CEP78: variants seen among roughly 807,000 people sequenced by gnomAD.
The protein encoded by CEP78 is centrosomal protein 78.
CEP78 carries 76 observed loss-of-function variants against 81.2 expected under a neutral mutation model. The ratio of observed to expected loss-of-function variants is 0.94; its 90% CI spans 0.78 to 1.13. The LOEUF (loss-of-function observed/expected upper bound fraction) is 1.13, where lower values mean the gene tolerates loss of function less well. Ranked by LOEUF, CEP78 falls within the 50% of genes most tolerant of loss-of-function variation. The pLI, the probability that CEP78 is intolerant of heterozygous loss-of-function variation, is 0.00. For missense variants in CEP78, 918 were observed against 846.8 expected, an observed-to-expected ratio of 1.08 and a Z score of -1.04; for synonymous variants, 293 against 301.4, an observed-to-expected ratio of 0.97 and a Z score of 0.29.
At position 78,277,069 on chromosome 9, in the gene CEP78, T is replaced by A. The variant is rs541231322; in HGVS notation, c.*6218T>A. The A allele has an allele frequency of 6.6e-6, 1 of 152,152 alleles. No individual in the cohort carries two copies. The highest frequency in any genetic ancestry group is 2.1e-4 in the South Asian group (1 of 4,822). The allele number at this position is 152,152 out of a possible 1,614,324, so 9.4% of individuals were successfully genotyped here. A position where few individuals can be genotyped will look rare whatever the true frequency, so the allele number is the denominator to read the frequency against. The stretch of plus-strand genomic sequence containing the variant: ...ATATATATGTATTTAAAAAATGGCA[T>A]CACAAGTCAGTAGAGAAGGGTTTGA... On this transcript the variant is annotated 3_prime_UTR_variant, in exon 17 of 17. Transcript: ENST00000643273.
rs1397299899 is a variant in CEP78, at chr9:78,243,628, G to T, written c.770G>T (p.Trp257Leu). 6.2e-7 allele frequency: 1 copy of T among 1,612,074 alleles called. No homozygotes were observed. The highest frequency in any genetic ancestry group is 8.5e-7 in the Non-Finnish European group (1 of 1,179,016). Reference protein sequence around the residue: ...AFADSLSEDLWLRALDLQQCG... With the variant: ...AFADSLSEDLLLRALDLQQCG... ...GCAGACTCTCTCAGTGAGGATTTATGGCTGAGAGGTAAGTTAAATGAACTT... is the reference window on the plus strand; with the variant it reads ...GCAGACTCTCTCAGTGAGGATTTATTGCTGAGAGGTAAGTTAAATGAACTT... The change falls in exon 5 of 17, where the codon TGG becomes TTG. Residue 257 changes from tryptophan to leucine, a missense_variant. Coordinates refer to ENST00000643273, the MANE Select transcript of CEP78 (RefSeq NM_001330691.3).
chr9:78,238,897 G>A (rs1230880634), intron 1 of CEP78, among the ~76,000 whole-genome samples: 1 of 151,962 alleles, frequency 6.6e-6, no homozygotes, highest in Non-Finnish European at 1.5e-5. Context: ...GCTGGGCTTG[G>A]TGGATCTCTT....
chr9:78,268,481 T>C (rs1469721877), intron 16 of CEP78, among the ~76,000 whole-genome samples: 1 of 152,182 alleles, frequency 6.6e-6, no homozygotes, highest in East Asian at 1.9e-4. Context: ...AGTTATATGC[T>C]CAGGCTTGCA....
chr9:78,244,449 A>G (rs1826387549), intron 5 of CEP78, among the ~76,000 whole-genome samples: 1 of 152,220 alleles, frequency 6.6e-6, no homozygotes, highest in African/African-American at 2.4e-5. Context: ...CTGTAGGATA[A>G]ATTACTAAAG....
chr9:78,256,459 G>A (rs1043376349), intron 11 of CEP78, among the ~76,000 whole-genome samples: 5 of 151,820 alleles, frequency 3.3e-5, no homozygotes, highest in Admixed American at 1.3e-4. Context: ...CTGCCATACT[G>A]GCTACCCACT....
intron 8 of CEP78, among the ~76,000 whole-genome samples, chr9:78,251,403 T>A (rs936854819): frequency 2.6e-5 from 4 of 152,226 alleles, no homozygotes; most frequent in Non-Finnish European, 2.9e-5. Context: ...TTTTACATGA[T>A]AAAATTAATC....
chr9:78,265,812 T>G, intron 14 of CEP78, 47 bp from the exon 15 acceptor site: 1 of 969,216 alleles, frequency 1.0e-6, no homozygotes, highest in Non-Finnish European at 1.6e-6. Context: ...GAAATGATTT[T>G]CAATTTTCAA....
intron 16 of CEP78, among the ~76,000 whole-genome samples, chr9:78,268,986 G>A (rs1487642558): frequency 6.6e-6 from 1 of 152,054 alleles, no homozygotes; most frequent in Non-Finnish European, 1.5e-5. Context: ...ACTTCTCAAG[G>A]GTGCTAGAGG....
Position 78,266,401 on chromosome 9 carries a change from CTTTG to C in CEP78, c.1846-35_1846-32del, listed in dbSNP as rs758739659. ...TTGAACTCGATTTTTAAATGGATGG[CTTTG>C]TTTGTCACTAAATTTTTGTTTTGTT... On this transcript the variant is annotated intron_variant, in intron 15 of 16. Transcript: ENST00000643273. 83 of 1,458,310 alleles carry C rather than the reference CTTTG, an allele frequency of 5.7e-5. No homozygotes were observed. In the South Asian group the frequency reaches 7.8e-4, roughly 14 times the overall value. The allele number at this position is 1,458,310 out of a possible 1,614,324, so 90.3% of individuals were successfully genotyped here. A position where few individuals can be genotyped will look rare whatever the true frequency, so the allele number is the denominator to read the frequency against.
Position 78,264,232 on chromosome 9 carries a change from T to C in CEP78, c.1541T>C (p.Ile514Thr), listed in dbSNP as rs750774385. The change falls in exon 13 of 17, where the codon ATC becomes ACC. Residue 514 changes from isoleucine to threonine, a missense_variant. Coordinates refer to ENST00000643273, the MANE Select transcript of CEP78 (RefSeq NM_001330691.3). ...ALHAQSLTNM[I>T]LDDEGVLGSI... is the part of the protein sequence containing the mutation. ...CATGCACAGTCATTGACAAATATGA[T>C]CCTGGATGATGAAGGTGTTTTGGGC... 6.2e-7 allele frequency: 1 copy of C among 1,611,238 alleles called. No individual in the cohort carries two copies.
intron 12 of CEP78, among the ~76,000 whole-genome samples, chr9:78,263,226 G>T (rs1201736412): frequency 6.6e-6 from 1 of 151,998 alleles, no homozygotes; most frequent in Admixed American, 6.6e-5. Flanking sequence ...GTTTTTATAT[G>T]ACTGGAGCTT....
chr9:78,250,899 A>G (rs7870487), intron 8 of CEP78, among the ~76,000 whole-genome samples: 92,724 of 152,006 alleles, frequency 0.61, 28,729 homozygotes, highest in Admixed American at 0.7. Context: ...TGCACAGCAC[A>G]ATGTGGTAAT....
rs1348222711 is a variant in CEP78, at chr9:78,236,110, G to A, written c.-241G>A. The A allele has an allele frequency of 5.7e-6, 3 of 527,980 alleles. No individual in the cohort carries two copies. The highest frequency in any genetic ancestry group is 4.6e-5 in the South Asian group (2 of 43,762). 32.7% of individuals were successfully genotyped at this position (527,980 alleles called of 1,614,324 possible). On this transcript the variant is annotated 5_prime_UTR_variant, in exon 1 of 17. Transcript: ENST00000643273. Reference sequence around the variant, plus strand: ...CCGGCGCCTCAGAGGACTATGAGGCGGGCGCCAACTGCTTGGGCCGCAGGG... The same window carrying A: ...CCGGCGCCTCAGAGGACTATGAGGCAGGCGCCAACTGCTTGGGCCGCAGGG...
chr9:78,244,783 G>C (rs955536447), intron 5 of CEP78, among the ~76,000 whole-genome samples: 1 of 152,110 alleles, frequency 6.6e-6, no homozygotes, highest in Non-Finnish European at 1.5e-5. Context: ...GTTCCTATTA[G>C]ATATATAAGC....
chr9:78,241,632 T>C, intron 3 of CEP78, 64 bp from the exon 4 acceptor site: 1 of 727,308 alleles, frequency 1.4e-6, no homozygotes, highest in Non-Finnish European at 2.4e-6. Context: ...AGCAAATAAA[T>C]CAAGACTGAC....
chr9:78,264,008 A>G (rs1827396153), intron 12 of CEP78, 142 bp from the exon 13 acceptor site: 2 of 476,126 alleles, frequency 4.2e-6, no homozygotes, highest in African/African-American at 2.0e-5. Context: ...TTGTTATTTA[A>G]TATGGTCTGT....
chr9:78,264,616 C>CCTG (rs1827430230), intron 13 of CEP78, among the ~76,000 whole-genome samples: 1 of 144,542 alleles, frequency 6.9e-6, no homozygotes, highest in South Asian at 2.2e-4. Flanking sequence ...TCAAGGTTAG[C>CCTG]CTGAGCAACA....
At chr9:78,266,217 G>T (rs1385135681) in intron 15 of CEP78, among the ~76,000 whole-genome samples, 2 of 151,704 alleles carry the variant, frequency 1.3e-5, no homozygotes. Flanking sequence ...TAATGAGGGA[G>T]ACATAAATTA....
intron 11 of CEP78, among the ~76,000 whole-genome samples, chr9:78,255,395 T>C (rs930060421): frequency 2.0e-5 from 3 of 152,278 alleles, no homozygotes; most frequent in Middle Eastern, 3.4e-3. Flanking sequence ...CTTACAAATA[T>C]AGAAGTAATT....
Sources: allele counts gnomAD v4.1 joint callset (sites outside exome capture counted in the v4.1 genomes callset), GRCh38; gene constraint gnomAD v4.1.1; transcripts MANE v1.5; gene names NCBI Gene and HGNC (gene_info 2026-07-23, HGNC 2026-07-21).